XRCC1: variants seen among roughly 807,000 people sequenced by gnomAD.
The protein encoded by XRCC1 is DNA repair protein XRCC1.
In XRCC1, 52 loss-of-function variants were observed where a neutral mutation model predicts 83.3. The ratio of observed to expected loss-of-function variants is 0.62; its 90% CI spans 0.50 to 0.79. The LOEUF (loss-of-function observed/expected upper bound fraction) is 0.79, where lower values mean the gene tolerates loss of function less well. Among genes scored for constraint, XRCC1 ranks in the 30% least tolerant of loss-of-function variants. The pLI is 0.00. For missense variants in XRCC1, 793 were observed against 823.5 expected (o/e 0.96, Z 0.45); for synonymous variants, 281 against 312.6 (o/e 0.90, Z 1.07).
At position 43,546,113 on chromosome 19, in the gene XRCC1, G is replaced by A. The variant is rs527999008; in HGVS notation, c.1427-7C>T. On this transcript the variant is annotated splice_region_variant and splice_polypyrimidine_tract_variant and intron_variant, in intron 12 of 16. Transcript: ENST00000262887. ...GCCCCATTGTCCTGTCCTTCTGCAA[G>A]TAGAAGCTCAGTCAATGCAAGGCTG... The A allele has an allele frequency of 5.6e-6, 9 of 1,613,590 alleles. No individual in the cohort carries two copies. In the African/African-American group the frequency reaches 1.1e-4, roughly 19 times the overall value.
chr19:43,554,002 C>T (rs1014158333), intron 4 of XRCC1, among the ~76,000 whole-genome samples: 1 of 152,192 alleles, frequency 6.6e-6, no homozygotes, highest in South Asian at 2.1e-4. Context: ...CTGCGTGCCA[C>T]TTCCAGAACA....
At chr19:43,547,055 AT>A (rs1972520322) in intron 10 of XRCC1, 78 bp from the exon 11 acceptor site, 4 of 1,353,814 alleles carry the variant, frequency 3.0e-6, no homozygotes, top group Non-Finnish European at 2.1e-6. Flanking sequence ...AGCCATTGGC[AT>A]TTACTAAAAT....
Position 43,568,520 on chromosome 19 carries a change from G to GTAAA in XRCC1, c.144+6386_144+6389dup, listed in dbSNP as rs957517625. On this transcript the variant is annotated intron_variant, in intron 2 of 16. Coordinates refer to ENST00000262887, the MANE Select transcript of XRCC1 (RefSeq NM_006297.3). ...TCAAAGTAAGTAAGTAAGTAAGTAAGTAAATAAATAAATAAATAAATAAGG... is the reference window on the plus strand; with the variant it reads ...TCAAAGTAAGTAAGTAAGTAAGTAAGTAAATAAATAAATAAATAAATAAATAAGG... Among the ~76,000 whole-genome samples, 93 of 151,010 alleles carry GTAAA rather than the reference G, an allele frequency of 6.2e-4. 2 individuals carry two copies. In the Middle Eastern group the frequency reaches 0.028, roughly 45 times the overall value.
intron 2 of XRCC1, among the ~76,000 whole-genome samples, chr19:43,574,210 G>A (rs1443087761): frequency 6.6e-6 from 1 of 151,872 alleles, no homozygotes; most frequent in Non-Finnish European, 1.5e-5. Context: ...CCAGTAGCTG[G>A]GATTGCAGGT....
chr19:43,565,764 T>G (rs1972746236), intron 2 of XRCC1, among the ~76,000 whole-genome samples: 1 of 151,918 alleles, frequency 6.6e-6, no homozygotes, highest in African/African-American at 2.4e-5. Context: ...AGCAAAACCC[T>G]GTCTCTACCA....
At chr19:43,564,796 C>CAAA (rs71336879) in intron 2 of XRCC1, among the ~76,000 whole-genome samples, 3 of 148,486 alleles carry the variant, frequency 2.0e-5, no homozygotes, top group African/African-American at 5.0e-5. Flanking sequence ...CTCAAAAAAA[C>CAAA]AAAAAAAAAA....
At chr19:43,552,343 G>T in intron 8 of XRCC1, 68 bp from the exon 9 acceptor site, 1 of 1,220,094 alleles carries the variant, frequency 8.2e-7, no homozygotes, top group Non-Finnish European at 1.2e-6. Flanking sequence ...TCCTCCCTCA[G>T]ACCCAGCAGT....
chr19:43,569,953 T>C (rs1972791995), intron 2 of XRCC1, among the ~76,000 whole-genome samples: 2 of 152,150 alleles, frequency 1.3e-5, no homozygotes, highest in Non-Finnish European at 2.9e-5. Flanking sequence ...ATCAGGACAG[T>C]GGTTACCCTT....
intron 2 of XRCC1, 172 bp downstream of exon 2, chr19:43,574,738 C>A (rs1972837231): frequency 1.7e-6 from 1 of 604,382 alleles, no homozygotes; most frequent in Non-Finnish European, 3.0e-6. Flanking sequence ...ATCCTTGGGT[C>A]TCCTTTCCTC....
intron 4 of XRCC1, among the ~76,000 whole-genome samples, chr19:43,554,020 G>A (rs1261583098): frequency 3.3e-5 from 5 of 152,148 alleles, no homozygotes; most frequent in Non-Finnish European, 7.4e-5. Flanking sequence ...ACACAGAAGT[G>A]TTCCAGGCTC....
At chr19:43,568,496 CAAAG>C (rs1972775432) in intron 2 of XRCC1, among the ~76,000 whole-genome samples, 1 of 151,282 alleles carries the variant, frequency 6.6e-6, no homozygotes, top group Admixed American at 6.6e-5. Context: ...GATTCTGTCT[CAAAG>C]TAAGTAAGTA....
chr19:43,552,957 C>A (rs1178760197), intron 7 of XRCC1, 25 bp downstream of exon 7: 1 of 1,608,570 alleles, frequency 6.2e-7, no homozygotes, highest in Non-Finnish European at 8.5e-7. Context: ...TCCTCCTCCA[C>A]CCCACCAAAG....
Position 43,547,033 on chromosome 19 carries a change from TCAGGAGGCAA to T in XRCC1, c.1200-66_1200-57del. On this transcript the variant is annotated intron_variant, in intron 10 of 16. Coordinates refer to ENST00000262887, the MANE Select transcript of XRCC1 (RefSeq NM_006297.3). ...GGCCCAAGGGAAGTGGGGAGGGCGTTCAGGAGGCAACAGCCATTGGCATTTACTAAAATAC... is the reference window on the plus strand; with the variant it reads ...GGCCCAAGGGAAGTGGGGAGGGCGTTCAGCCATTGGCATTTACTAAAATAC... 2.6e-6 allele frequency: 4 copies of T among 1,546,920 alleles called. No homozygotes were observed. The South Asian group carries it at 4.5e-5, about 17-fold the overall frequency.
intron 3 of XRCC1, among the ~76,000 whole-genome samples, chr19:43,558,620 C>T (rs997437365): frequency 6.6e-6 from 1 of 151,546 alleles, no homozygotes. Flanking sequence ...CAGAGTGAGA[C>T]CCCCATCTCA....
At chr19:43,546,803 G>A (rs1972515588) in intron 11 of XRCC1, 76 bp from the exon 12 acceptor site, 2 of 1,597,080 alleles carry the variant, frequency 1.3e-6, no homozygotes, top group African/African-American at 1.3e-5. Context: ...CAAGAGGCAA[G>A]AGTGGGAAGT....
chr19:43,559,984 G>C (rs1213813044), intron 3 of XRCC1, among the ~76,000 whole-genome samples: 1 of 152,018 alleles, frequency 6.6e-6, no homozygotes, highest in Non-Finnish European at 1.5e-5. Flanking sequence ...GGGAGGCTGA[G>C]GTGGGAGAAT....
At chr19:43,555,567 G>C (rs1007857566) in intron 3 of XRCC1, 1 of 152,180 alleles carries the variant, frequency 6.6e-6, no homozygotes, top group Non-Finnish European at 1.5e-5. Flanking sequence ...AGCCGGTGGG[G>C]GAGGAAGCCC....
At chr19:43,558,614 G>A (rs1972663226) in intron 3 of XRCC1, among the ~76,000 whole-genome samples, 1 of 151,952 alleles carries the variant, frequency 6.6e-6, no homozygotes, top group South Asian at 2.1e-4. Context: ...GAGCAACAGA[G>A]TGAGACCCCC....
At position 43,569,810 on chromosome 19, in the gene XRCC1, C is replaced by G. The variant is rs147967585; in HGVS notation, c.144+5100G>C. On this transcript the variant is annotated intron_variant, in intron 2 of 16. Transcript: ENST00000262887. ...AAAAAAAAAAATCACAATAAATCAT[C>G]TACAGCTACACTGAACGACATAGAT... Among the ~76,000 whole-genome samples the G allele has an allele frequency of 7.3e-3, 1,111 of 152,256 alleles. 9 individuals carry two copies. Among genetic ancestry groups the G allele is most frequent in the African/African-American group, 0.024 (989 of 41,544 alleles).
Sources: gnomAD v4.1 joint callset for allele counts (sites outside exome capture counted in the v4.1 genomes callset) on GRCh38, gnomAD v4.1.1 for gene constraint, MANE v1.5 for transcripts, NCBI Gene and HGNC (gene_info 2026-07-23, HGNC 2026-07-21) for gene names.